The following CRYAB variants were observed in gnomAD, a reference collection of about 807,000 sequenced individuals.
CRYAB encodes crystallin alpha B.
CRYAB carries 9 observed loss-of-function variants against 12.7 expected under a neutral mutation model. That is an observed-to-expected ratio of 0.71 (90% CI 0.43 to 1.24). The LOEUF is 1.24. Ranked by LOEUF, CRYAB falls within the 50% of genes most tolerant of loss-of-function variation. The pLI is 0.00. For synonymous variants in CRYAB, 93 were observed against 86.8 expected, an observed-to-expected ratio of 1.07 and a Z score of -0.40; for missense variants, 183 against 226.6, an observed-to-expected ratio of 0.81 and a Z score of 1.24.
intron 1 of CRYAB, among the ~76,000 whole-genome samples, chr11:111,921,029 T>A (rs1365076977): frequency 6.6e-6 from 1 of 152,212 alleles, no homozygotes. Flanking sequence ...TTTCCCAGAA[T>A]TTTCATCACT....
chr11:111,919,764 C>G (rs1212668150), intron 1 of CRYAB, among the ~76,000 whole-genome samples: 1 of 152,190 alleles, frequency 6.6e-6, no homozygotes. Context: ...AACTAACTTG[C>G]CTAAGGTCAC....
upstream of CRYAB, chr11:111,913,744 G>A (rs1308897150): frequency 3.7e-6 from 6 of 1,614,030 alleles, no homozygotes; most frequent in African/African-American, 1.3e-5. Context: ...TGGCGAGTCC[G>A]AGCTGCTCTC....
chr11:111,918,681 T>C, intron 1 of CRYAB: 1 of 684,116 alleles, frequency 1.5e-6, no homozygotes, highest in East Asian at 2.7e-5. Flanking sequence ...ATCTCAGGTT[T>C]CTTTTTATTG....
At chr11:111,912,107 CCCT>C, upstream of CRYAB, 1 of 264,814 alleles carries the variant, frequency 3.8e-6, no homozygotes, top group Non-Finnish European at 7.4e-6. Flanking sequence ...CGTAGTGTGC[CCCT>C]CCTCCTCCTT....
rs542645787 is a variant in CRYAB, at chr11:111,910,434, C to G, written c.217G>C (p.Asp73His). The G allele has an allele frequency of 1.2e-6, 2 of 1,614,194 alleles. No individual in the cohort carries two copies. Among genetic ancestry groups the G allele is most frequent in the African/African-American group, 2.7e-5 (2 of 75,054 alleles). ...TGLSEMRLEK[D>H]RFSVNLDVKH... ...ACATCCAGGTTGACAGAGAACCTGT[C>G]CTTCTCCAGGCGCATCTAGAAATAG... Residue 73 changes from aspartate (D) to histidine (H), a missense_variant, in exon 2 of 3, where the codon GAC (aspartate) becomes CAC (histidine). Transcript: ENST00000650687.
chr11:111,919,424 G>A (rs1200410570), intron 1 of CRYAB, among the ~76,000 whole-genome samples: 2 of 152,106 alleles, frequency 1.3e-5, no homozygotes, highest in African/African-American at 4.8e-5. Context: ...AGTGAGCCGA[G>A]ATCGCGCCAC....
upstream of CRYAB, chr11:111,912,977 G>T (rs1181306292): frequency 1.6e-5 from 22 of 1,356,330 alleles, no homozygotes; most frequent in Non-Finnish European, 2.2e-5. Flanking sequence ...TGAAATTCTG[G>T]GCTGACCTCC....
Position 111,908,874 on chromosome 11 carries a change from C to A in CRYAB, c.418G>T (p.Asp140Tyr). Residue 140 changes from aspartate (D) to tyrosine (Y), a missense_variant, in exon 3 of 3, where the codon GAT becomes TAT. Asp to Tyr is a radical substitution (Grantham distance 160). Around this residue, in one of 3 missense-constraint regions of CRYAB, gnomAD observed 95 missense variants for 112.5 expected, o/e 0.84. Transcript: ENST00000650687. ...GGTCCATTCACAGTGAGGACCCCAT[C>A]AGATGACAGGGATGAAGTAATGGTG... ...PLTITSSLSSDGVLTVNGPRK... is the reference protein window; with the variant it reads ...PLTITSSLSSYGVLTVNGPRK... 1 of 1,614,134 alleles carries A rather than the reference C, an allele frequency of 6.2e-7. No individual in the cohort carries two copies.
intron 2 of CRYAB, chr11:111,909,724 G>C (rs1249734578): frequency 4.8e-6 from 1 of 208,394 alleles, no homozygotes; most frequent in Non-Finnish European, 9.7e-6. Context: ...AAACCAAGTA[G>C]TTCAGCATTA....
chr11:111,912,681 T>TCCCCCCCCCCC (rs201659950), upstream of CRYAB: 2 of 229,480 alleles, frequency 8.7e-6, no homozygotes, highest in South Asian at 3.7e-5. Flanking sequence ...TCCCAGCCCC[T>TCCCCCCCCCCC]CCCCCCCCAA....
At chr11:111,919,108 T>A in intron 1 of CRYAB, 1 of 1,284,430 alleles carries the variant, frequency 7.8e-7, no homozygotes, top group Non-Finnish European at 1.1e-6. Flanking sequence ...AGCCTCCCAC[T>A]GCCACCTTCC....
chr11:111,917,114 T>C (rs1204708662), upstream of CRYAB, among the ~76,000 whole-genome samples: 4 of 152,198 alleles, frequency 2.6e-5, no homozygotes, highest in Non-Finnish European at 4.4e-5. Flanking sequence ...TCCTCTTGCC[T>C]CAGTCTCCCA....
intron 1 of CRYAB, chr11:111,910,656 C>A: frequency 1.5e-6 from 1 of 647,634 alleles, no homozygotes; most frequent in Non-Finnish European, 2.7e-6. Context: ...GTGATCAGAC[C>A]CAAACTTTAT....
intron 1 of CRYAB, among the ~76,000 whole-genome samples, chr11:111,922,953 G>A (rs898740659): frequency 4.6e-5 from 7 of 152,104 alleles, no homozygotes; most frequent in Admixed American, 1.3e-4. Context: ...AAATCCCATC[G>A]CCTGTGTATC....
rs114644062 is a variant in CRYAB at position 111,919,516 on chromosome 11, G to A, written c.-199+4187C>T. On this transcript the variant is annotated intron_variant, in intron 1 of 3. Coordinates refer to the CRYAB transcript ENST00000527950. Reference sequence around the variant, plus strand: ...AAACAGAGCCAAGCTAGCTGTCTGCGGAATGGCCAGAGCAGGGCAGGAATA... The same window carrying A: ...AAACAGAGCCAAGCTAGCTGTCTGCAGAATGGCCAGAGCAGGGCAGGAATA... Among the ~76,000 whole-genome samples, 1,106 of 152,170 alleles carry A rather than the reference G, an allele frequency of 7.3e-3. 14 individuals are homozygous for A. The highest frequency in any genetic ancestry group is 0.025 in the African/African-American group (1,041 of 41,520).
At position 111,908,694 on chromosome 11, in the gene CRYAB, A is replaced by G; in HGVS notation, c.*70T>C. On this transcript the variant is annotated 3_prime_UTR_variant, in exon 3 of 3. Coordinates refer to ENST00000650687, the MANE Select transcript of CRYAB (RefSeq NM_001289808.2). ...CTTAGCATTAATAAGCTTCAGCACTAGTCACAAGACTTTCATTCACTGGTG... is the reference window on the plus strand; with the variant it reads ...CTTAGCATTAATAAGCTTCAGCACTGGTCACAAGACTTTCATTCACTGGTG... 6.8e-7 allele frequency: 1 copy of G among 1,474,070 alleles called. No homozygotes were observed. The highest frequency in any genetic ancestry group is 1.7e-5 in the Admixed American group (1 of 59,716). 91.3% of individuals were successfully genotyped at this position (1,474,070 alleles called of 1,614,324 possible).
chr11:111,913,062 C>T (rs1965521513), upstream of CRYAB: 1 of 667,982 alleles, frequency 1.5e-6, no homozygotes, highest in Non-Finnish European at 2.7e-6. Flanking sequence ...CCCAGACTAC[C>T]CCTCATCCCC....
intron 1 of CRYAB, chr11:111,910,889 G>T: frequency 3.6e-6 from 1 of 281,482 alleles, no homozygotes; most frequent in Non-Finnish European, 6.9e-6. Flanking sequence ...TGCCCACTCA[G>T]CTCCTGTTTA....
At position 111,908,707 on chromosome 11, in the gene CRYAB, T is replaced by C; in HGVS notation, c.*57A>G. The C allele has an allele frequency of 1.3e-6, 2 of 1,566,714 alleles. No individual in the cohort carries two copies. Among genetic ancestry groups the C allele is most frequent in the Non-Finnish European group, 1.8e-6 (2 of 1,139,192 alleles). ...AGCTTCAGCACTAGTCACAAGACTTTCATTCACTGGTGGGGAAACTTTCTT... is the reference window on the plus strand; with the variant it reads ...AGCTTCAGCACTAGTCACAAGACTTCCATTCACTGGTGGGGAAACTTTCTT... On this transcript the variant is annotated 3_prime_UTR_variant, in exon 3 of 3. Coordinates refer to ENST00000650687, the MANE Select transcript of CRYAB (RefSeq NM_001289808.2).
Sources: allele counts gnomAD v4.1 joint callset (sites outside exome capture counted in the v4.1 genomes callset), GRCh38; gene constraint gnomAD v4.1.1; regional missense constraint gnomAD v4.1.1; transcripts MANE v1.5; gene names NCBI Gene and HGNC (gene_info 2026-07-23, HGNC 2026-07-21).